AKAP6: variants seen among roughly 807,000 people sequenced by gnomAD.
The protein encoded by AKAP6 is A-kinase anchoring protein 6, also known as A-kinase anchor protein 6.
AKAP6 carries 58 observed loss-of-function variants against 188.5 expected under a neutral mutation model. That is an observed-to-expected ratio of 0.31 (90% CI 0.25 to 0.38). The LOEUF is 0.38. Among genes scored for constraint, AKAP6 ranks in the 10% least tolerant of loss-of-function variants. The pLI is 1.00. For missense variants in AKAP6, 2,710 were observed against 2,740.0 expected (o/e 0.99, Z 0.24); for synonymous variants, 989 against 998.6 (o/e 0.99, Z 0.18).
intron 1 of AKAP6, among the ~76,000 whole-genome samples, chr14:32,350,494 C>A (rs955879029): frequency 6.6e-6 from 1 of 152,122 alleles, no homozygotes; most frequent in Admixed American, 6.5e-5. Flanking sequence ...GGACATATGA[C>A]AACTAAATGT....
intron 12 of AKAP6, among the ~76,000 whole-genome samples, chr14:32,793,332 T>A (rs1423806630): frequency 6.6e-6 from 1 of 151,796 alleles, no homozygotes; most frequent in African/African-American, 2.4e-5. Flanking sequence ...AGAGGAAAAT[T>A]TACCAAGCAA....
intron 1 of AKAP6, among the ~76,000 whole-genome samples, chr14:32,406,606 C>G (rs2138634005): frequency 6.6e-6 from 1 of 152,190 alleles, no homozygotes; most frequent in Middle Eastern, 3.4e-3. Context: ...AATGTTAGCC[C>G]TGGTGTTAAT....
At chr14:32,549,143 C>T (rs764095367) in intron 4 of AKAP6, among the ~76,000 whole-genome samples, 1 of 152,058 alleles carries the variant, frequency 6.6e-6, no homozygotes, top group African/African-American at 2.4e-5. Flanking sequence ...TGATATTAAC[C>T]TTATTTTATG....
chr14:32,613,688 T>C (rs1886442987), intron 7 of AKAP6, among the ~76,000 whole-genome samples: 1 of 152,180 alleles, frequency 6.6e-6, no homozygotes, highest in African/African-American at 2.4e-5. Flanking sequence ...TTTTCCTCCT[T>C]AAGACTTTGG....
At chr14:32,797,904 A>G (rs1303271482) in intron 12 of AKAP6, among the ~76,000 whole-genome samples, 1 of 149,498 alleles carries the variant, frequency 6.7e-6, no homozygotes, top group Non-Finnish European at 1.5e-5. Context: ...GAACCTAATT[A>G]AATTAAAATG....
chr14:32,438,543 G>A (rs1414275087), intron 2 of AKAP6: 1 of 152,170 alleles, frequency 6.6e-6, no homozygotes, highest in Non-Finnish European at 1.5e-5. Flanking sequence ...AGTTCCCATG[G>A]GGGAGTGATT....
chr14:32,493,539 G>T, intron 2 of AKAP6, among the ~76,000 whole-genome samples: 1 of 152,196 alleles, frequency 6.6e-6, no homozygotes, highest in East Asian at 1.9e-4. Context: ...TTTGATATGC[G>T]ATTGGATCAT....
chr14:32,622,196 G>A (rs1594789478), intron 7 of AKAP6, among the ~76,000 whole-genome samples: 2 of 150,276 alleles, frequency 1.3e-5, no homozygotes, highest in South Asian at 4.1e-4. Context: ...TAATTTTAAT[G>A]TATGTCACCA....
At chr14:32,744,861 C>G (rs1203286561) in intron 11 of AKAP6, among the ~76,000 whole-genome samples, 2 of 152,036 alleles carry the variant, frequency 1.3e-5, no homozygotes, top group Non-Finnish European at 2.9e-5. Flanking sequence ...TTCAAGCTCA[C>G]TAATTCTTCT....
chr14:32,670,709 TAAA>T (rs1889150712), intron 7 of AKAP6, among the ~76,000 whole-genome samples: 1 of 151,978 alleles, frequency 6.6e-6, no homozygotes, highest in Non-Finnish European at 1.5e-5. Flanking sequence ...GCTCATGAAT[TAAA>T]GAAGCTTTTT....
At chr14:32,534,665 G>A (rs1688266334) in intron 2 of AKAP6, among the ~76,000 whole-genome samples, 1 of 151,984 alleles carries the variant, frequency 6.6e-6, no homozygotes, top group African/African-American at 2.4e-5. Flanking sequence ...TGAAAATTTC[G>A]ATATCCACTG....
intron 4 of AKAP6, among the ~76,000 whole-genome samples, chr14:32,565,334 G>T (rs1423595769): frequency 6.6e-6 from 1 of 152,154 alleles, no homozygotes; most frequent in Admixed American, 6.5e-5. Flanking sequence ...TTCTCCTTCT[G>T]AATTTTGTAT....
chr14:32,560,337 G>A (rs1594744152), intron 4 of AKAP6, among the ~76,000 whole-genome samples: 1 of 152,150 alleles, frequency 6.6e-6, no homozygotes, highest in Admixed American at 6.5e-5. Flanking sequence ...CAGAAGAACC[G>A]TAGGGATCCA....
rs557920967 is a variant in AKAP6 at position 32,781,398 on chromosome 14, G to A, written c.3588+7505G>A. The stretch of plus-strand genomic sequence containing the variant: ...AAGGTAATTTTATGAATAATCTTTT[G>A]TCTACTAAATACATTGAGTCATTAG... On this transcript the variant is annotated intron_variant, in intron 12 of 13. Coordinates refer to ENST00000280979, the MANE Select transcript of AKAP6 (RefSeq NM_004274.5). Among the ~76,000 whole-genome samples, 6 of 150,644 alleles carry A rather than the reference G, an allele frequency of 4.0e-5. No homozygotes were observed. The East Asian group carries it at 1.2e-3, about 29-fold the overall frequency.
intron 9 of AKAP6, among the ~76,000 whole-genome samples, chr14:32,721,102 C>T (rs544644574): frequency 6.6e-6 from 1 of 152,248 alleles, no homozygotes; most frequent in South Asian, 2.1e-4. Flanking sequence ...TATGTGCAGA[C>T]ATGACATTAC....
intron 9 of AKAP6, among the ~76,000 whole-genome samples, chr14:32,730,300 G>T (rs1413530049): frequency 6.6e-6 from 1 of 152,052 alleles, no homozygotes; most frequent in East Asian, 1.9e-4. Context: ...AAGCTGTTTA[G>T]ACAGTCGGCT....
intron 9 of AKAP6, among the ~76,000 whole-genome samples, chr14:32,725,009 A>C (rs899667800): frequency 1.3e-5 from 2 of 149,882 alleles, no homozygotes; most frequent in African/African-American, 2.4e-5. Context: ...AAAAAAAAAA[A>C]AAAAAAAACA....
intron 1 of AKAP6, among the ~76,000 whole-genome samples, chr14:32,418,248 A>G: frequency 6.6e-6 from 1 of 152,222 alleles, no homozygotes; most frequent in East Asian, 1.9e-4. Flanking sequence ...GAAAAATTAA[A>G]AAGCATAGGG....
intron 9 of AKAP6, among the ~76,000 whole-genome samples, chr14:32,718,608 A>G (rs1594878476): frequency 6.6e-6 from 1 of 152,356 alleles, no homozygotes; most frequent in East Asian, 1.9e-4. Context: ...AGGTTTTCAC[A>G]GAAGCTTTTC....
Sources: allele counts gnomAD v4.1 joint callset (sites outside exome capture counted in the v4.1 genomes callset), GRCh38; gene constraint gnomAD v4.1.1; transcripts MANE v1.5; gene names NCBI Gene and HGNC (gene_info 2026-07-23, HGNC 2026-07-21).